The following DLG2 variants were observed in gnomAD, a reference collection of about 807,000 sequenced individuals.
The protein encoded by DLG2 is disks large homolog 2.
DLG2 carries 45 observed loss-of-function variants against 132.5 expected under a neutral mutation model. The observed-to-expected ratio is 0.34, with a 90% CI of 0.27 to 0.44. DLG2 has a LOEUF of 0.44. Ranked by LOEUF, DLG2 falls within the 20% of genes least tolerant of loss-of-function variation. The probability of loss-of-function intolerance (pLI) is 1.00; values close to 1 mark genes in which losing one functional copy is unlikely to be tolerated. For missense variants in DLG2, 1,045 were observed against 1,196.9 expected (o/e 0.87, Z 1.87); for synonymous variants, 424 against 419.6 (o/e 1.01, Z -0.13).
At chr11:84,334,540 T>C (rs2098475129) in intron 7 of DLG2, among the ~76,000 whole-genome samples, 1 of 152,208 alleles carries the variant, frequency 6.6e-6, no homozygotes, top group Non-Finnish European at 1.5e-5. Context: ...GGTAGCAAAC[T>C]ACGCAAAGTT....
chr11:85,189,899 G>T (rs897412849), intron 4 of DLG2, among the ~76,000 whole-genome samples: 1 of 152,028 alleles, frequency 6.6e-6, no homozygotes, highest in Non-Finnish European at 1.5e-5. Flanking sequence ...GAGCTCAAGA[G>T]ATCCTTGCAC....
intron 6 of DLG2, among the ~76,000 whole-genome samples, chr11:84,592,473 T>A (rs1332469470): frequency 6.6e-6 from 1 of 152,128 alleles, no homozygotes; most frequent in African/African-American, 2.4e-5. Context: ...AAATGGGATC[T>A]AATTAAACCA....
Position 83,944,237 on chromosome 11 carries a change from G to A in DLG2, c.1341-13754C>T, listed in dbSNP as rs183235557. On this transcript the variant is annotated intron_variant, in intron 14 of 27. Transcript: ENST00000376104. ...AGGCAACCATACATATGGCTTTCCC[G>A]TTTATGCTCTTTTAAAGTCTCAGAA... is the stretch of plus-strand genomic sequence containing the variant. Among the ~76,000 whole-genome samples, 47 of 152,240 alleles carry A rather than the reference G, an allele frequency of 3.1e-4. 1 individual carries two copies. Among genetic ancestry groups the A allele is most frequent in the African/African-American group, 6.7e-4 (28 of 41,548 alleles).
intron 19 of DLG2, among the ~76,000 whole-genome samples, chr11:83,548,780 A>T (rs1393137963): frequency 6.6e-6 from 1 of 152,202 alleles, no homozygotes; most frequent in Non-Finnish European, 1.5e-5. Flanking sequence ...TTTTAAGATA[A>T]AGAAGCTGAG....
At chr11:84,715,614 G>A (rs1475305620) in intron 6 of DLG2, among the ~76,000 whole-genome samples, 1 of 152,000 alleles carries the variant, frequency 6.6e-6, no homozygotes, top group African/African-American at 2.4e-5. Flanking sequence ...ATATAAGTGA[G>A]GTCAGCAGCA....
intron 18 of DLG2, among the ~76,000 whole-genome samples, chr11:83,703,584 G>A (rs2153647654): frequency 6.6e-6 from 1 of 152,318 alleles, no homozygotes; most frequent in East Asian, 1.9e-4. Context: ...GGGAGGCAGA[G>A]GTTGCAGTGA....
chr11:85,179,782 T>C lies in DLG2; in HGVS notation c.187-25131A>G, dbSNP rs537921311. Among the ~76,000 whole-genome samples, 23 of 152,026 alleles carry C rather than the reference T, an allele frequency of 1.5e-4. No homozygotes were observed. In the South Asian group the frequency reaches 3.9e-3, roughly 26 times the overall value. The stretch of plus-strand genomic sequence containing the variant: ...ACTAAACCTATCTATTTAAGATAGG[T>C]AGCAAACTGAACAACATAAATGTTA... On this transcript the variant is annotated intron_variant, in intron 4 of 27. Transcript: ENST00000376104.
chr11:84,625,861 C>T (rs529832859), intron 6 of DLG2, among the ~76,000 whole-genome samples: 1 of 152,068 alleles, frequency 6.6e-6, no homozygotes, highest in Non-Finnish European at 1.5e-5. Context: ...AGAGAATAAC[C>T]ACAAGTGCAG....
At chr11:84,795,962 C>T (rs1484318174) in intron 6 of DLG2, among the ~76,000 whole-genome samples, 1 of 152,182 alleles carries the variant, frequency 6.6e-6, no homozygotes, top group Non-Finnish European at 1.5e-5. Flanking sequence ...GTGCCTGGAC[C>T]CCATGCTCAC....
intron 4 of DLG2, among the ~76,000 whole-genome samples, chr11:85,278,288 T>C (rs926075874): frequency 6.6e-6 from 1 of 152,210 alleles, no homozygotes; most frequent in African/African-American, 2.4e-5. Context: ...AAATCTTATT[T>C]AAAATGAAGT....
intron 7 of DLG2, among the ~76,000 whole-genome samples, chr11:84,463,163 C>T (rs1300329904): frequency 6.6e-6 from 1 of 151,120 alleles, no homozygotes; most frequent in East Asian, 1.9e-4. Flanking sequence ...AGAGCCAGTT[C>T]ACAGAATTTG....
intron 4 of DLG2, among the ~76,000 whole-genome samples, chr11:85,213,147 T>C (rs537459887): frequency 6.6e-6 from 1 of 152,134 alleles, no homozygotes; most frequent in East Asian, 1.9e-4. Flanking sequence ...TTCCAAAGGG[T>C]CTCTCAGAGT....
At chr11:83,515,511 G>T (rs2095261521) in intron 21 of DLG2, among the ~76,000 whole-genome samples, 1 of 152,012 alleles carries the variant, frequency 6.6e-6, no homozygotes, top group Non-Finnish European at 1.5e-5. Flanking sequence ...GGTTTTTTGT[G>T]TCTCTATTTC....
At chr11:84,740,820 G>C (rs2064515980) in intron 6 of DLG2, among the ~76,000 whole-genome samples, 1 of 152,126 alleles carries the variant, frequency 6.6e-6, no homozygotes, top group Admixed American at 6.5e-5. Flanking sequence ...CACCCTCCCT[G>C]AGTGGGAGAG....
chr11:84,949,721 T>C (rs2050685110), intron 6 of DLG2, among the ~76,000 whole-genome samples: 1 of 152,208 alleles, frequency 6.6e-6, no homozygotes, highest in African/African-American at 2.4e-5. Context: ...ACAATTGCTG[T>C]TATCCTGTTC....
At chr11:85,541,437 C>T (rs933723548) in intron 3 of DLG2, among the ~76,000 whole-genome samples, 1 of 151,344 alleles carries the variant, frequency 6.6e-6, no homozygotes, top group Non-Finnish European at 1.5e-5. Context: ...AAAAAGTTAA[C>T]TTGCCCAATG....
intron 18 of DLG2, among the ~76,000 whole-genome samples, chr11:83,689,939 T>C (rs1354949053): frequency 7.1e-6 from 1 of 141,758 alleles, no homozygotes; most frequent in Non-Finnish European, 1.5e-5. Flanking sequence ...AAATATATAA[T>C]ATATATTATA....
At chr11:84,159,852 A>G (rs775516517) in intron 9 of DLG2, among the ~76,000 whole-genome samples, 6 of 152,200 alleles carry the variant, frequency 3.9e-5, no homozygotes, top group African/African-American at 7.2e-5. Flanking sequence ...ATATATTTTC[A>G]TGGTAGCACA....
chr11:84,378,096 T>C (rs2098736217), intron 7 of DLG2, among the ~76,000 whole-genome samples: 1 of 152,148 alleles, frequency 6.6e-6, no homozygotes, highest in African/African-American at 2.4e-5. Context: ...ATTCATATAT[T>C]GAAGCCGTAA....
Sources: allele counts gnomAD v4.1 joint callset (sites outside exome capture counted in the v4.1 genomes callset), GRCh38; gene constraint gnomAD v4.1.1; transcripts MANE v1.5; gene names NCBI Gene and HGNC (gene_info 2026-07-23, HGNC 2026-07-21).